The following DCDC1 variants were observed in gnomAD, a reference collection of about 807,000 sequenced individuals.
The protein encoded by DCDC1 is doublecortin domain-containing protein 1.
Under a neutral mutation model 178.3 loss-of-function variants are expected in DCDC1, and 200 were observed. That is an observed-to-expected ratio of 1.12 (90% CI 1.00 to 1.26). DCDC1 has a LOEUF of 1.26. Among genes scored for constraint, DCDC1 ranks in the 50% most tolerant of loss-of-function variants. The pLI, the probability that DCDC1 is intolerant of heterozygous loss-of-function variation, is 0.00. For synonymous variants in DCDC1, 690 were observed against 604.8 expected, an observed-to-expected ratio of 1.14 and a Z score of -2.07; for missense variants, 1,983 against 1,749.2, an observed-to-expected ratio of 1.13 and a Z score of -2.38.
chr11:31,048,960 C>A (rs550590596), intron 20 of DCDC1, among the ~76,000 whole-genome samples: 1 of 152,058 alleles, frequency 6.6e-6, no homozygotes, highest in Non-Finnish European at 1.5e-5. Context: ...TATTTGAAAT[C>A]AAACTTCTTT....
chr11:31,283,670 T>C (rs1946613220), intron 7 of DCDC1, among the ~76,000 whole-genome samples: 1 of 152,142 alleles, frequency 6.6e-6, no homozygotes. Flanking sequence ...AAATGTCTCC[T>C]TACCCTGCAC....
At chr11:30,971,453 T>G (rs1243467704) in intron 20 of DCDC1, among the ~76,000 whole-genome samples, 1 of 151,816 alleles carries the variant, frequency 6.6e-6, no homozygotes, top group Non-Finnish European at 1.5e-5. Flanking sequence ...AATGAGAAAT[T>G]TATTAAAGAG....
At chr11:31,208,306 A>T (rs563545272) in intron 9 of DCDC1, among the ~76,000 whole-genome samples, 1 of 152,282 alleles carries the variant, frequency 6.6e-6, no homozygotes, top group African/African-American at 2.4e-5. Context: ...GGCTAACCCC[A>T]GAAGTAGGAC....
chr11:30,908,254 T>C (rs1223912346), intron 29 of DCDC1, among the ~76,000 whole-genome samples: 1 of 152,104 alleles, frequency 6.6e-6, no homozygotes, highest in Non-Finnish European at 1.5e-5. Context: ...ATTACAACTA[T>C]AGGACTCAAT....
At chr11:31,359,451 G>T (rs1454068888) in intron 1 of DCDC1, among the ~76,000 whole-genome samples, 1 of 132,190 alleles carries the variant, frequency 7.6e-6, no homozygotes, top group African/African-American at 2.8e-5. Flanking sequence ...GGGGGAGGGG[G>T]AAGGGATAGC....
intron 24 of DCDC1, among the ~76,000 whole-genome samples, chr11:30,922,214 A>G (rs1946296238): frequency 6.6e-6 from 1 of 152,214 alleles, no homozygotes; most frequent in African/African-American, 2.4e-5. Flanking sequence ...AATTAAATTA[A>G]TGGATGGAAC....
intron 38 of DCDC1, among the ~76,000 whole-genome samples, chr11:30,873,650 A>C (rs1941843070): frequency 6.6e-6 from 1 of 152,138 alleles, no homozygotes; most frequent in Admixed American, 6.6e-5. Flanking sequence ...TGCTAACTAG[A>C]CTTAGGGCAA....
intron 9 of DCDC1, among the ~76,000 whole-genome samples, chr11:31,188,158 G>A (rs917560031): frequency 6.6e-6 from 1 of 152,048 alleles, no homozygotes; most frequent in African/African-American, 2.4e-5. Flanking sequence ...ACCCTGTACA[G>A]TAGGTATATT....
chr11:30,904,714 A>G (rs1944937091), intron 31 of DCDC1: 1 of 501,198 alleles, frequency 2.0e-6, no homozygotes, highest in Admixed American at 3.4e-5. Context: ...CCTCTTTCTT[A>G]TAGATCTCTG....
At chr11:31,356,199 G>C (rs1344033516) in intron 1 of DCDC1, among the ~76,000 whole-genome samples, 1 of 152,024 alleles carries the variant, frequency 6.6e-6, no homozygotes, top group African/African-American at 2.4e-5. Context: ...TGTTTACCAA[G>C]CCAAGACTCT....
intron 22 of DCDC1, among the ~76,000 whole-genome samples, chr11:30,926,273 G>T (rs1342196871): frequency 2.0e-5 from 3 of 152,184 alleles, no homozygotes; most frequent in African/African-American, 7.2e-5. Flanking sequence ...GTATGGACAT[G>T]AGGAGGGTAT....
chr11:31,347,701 G>A (rs1474539449), intron 1 of DCDC1, among the ~76,000 whole-genome samples: 1 of 152,106 alleles, frequency 6.6e-6, no homozygotes. Context: ...ATAATGTGTT[G>A]TAAGAACCAG....
intron 6 of DCDC1, among the ~76,000 whole-genome samples, chr11:31,303,588 T>C (rs767415102): frequency 6.6e-6 from 1 of 152,110 alleles, no homozygotes; most frequent in East Asian, 1.9e-4. Context: ...TGATATGTAA[T>C]ATATCACTCA....
At chr11:31,297,129 G>A (rs1175004877) in intron 6 of DCDC1, among the ~76,000 whole-genome samples, 2 of 152,126 alleles carry the variant, frequency 1.3e-5, no homozygotes, top group Non-Finnish European at 2.9e-5. Flanking sequence ...AACAGAATCT[G>A]ACTCTTCCAT....
At chr11:31,303,845 C>T (rs1475268563) in intron 6 of DCDC1, among the ~76,000 whole-genome samples, 1 of 152,086 alleles carries the variant, frequency 6.6e-6, no homozygotes. Context: ...TGCTCTACTC[C>T]GTGTCCCAGC....
At chr11:31,128,835 T>C (rs959527788) in intron 10 of DCDC1, among the ~76,000 whole-genome samples, 1 of 152,208 alleles carries the variant, frequency 6.6e-6, no homozygotes, top group South Asian at 2.1e-4. Flanking sequence ...TGTTTCCTTT[T>C]TGAAATCTAG....
chr11:31,190,725 T>C (rs1280528838), intron 9 of DCDC1, among the ~76,000 whole-genome samples: 1 of 152,136 alleles, frequency 6.6e-6, no homozygotes, highest in South Asian at 2.1e-4. Context: ...ATCTTTATCA[T>C]ATTGTTAGGT....
chr11:31,052,752 A>G (rs1955341484), intron 20 of DCDC1, among the ~76,000 whole-genome samples: 1 of 152,184 alleles, frequency 6.6e-6, no homozygotes, highest in African/African-American at 2.4e-5. Context: ...CAAAAATGAA[A>G]TCAAGATGGA....
At chr11:31,076,322 G>A (rs1956862356) in intron 18 of DCDC1, among the ~76,000 whole-genome samples, 1 of 151,830 alleles carries the variant, frequency 6.6e-6, no homozygotes, top group Non-Finnish European at 1.5e-5. Flanking sequence ...TTTATTTCCA[G>A]TTGTTCTGTT....
Sources: allele counts gnomAD v4.1 joint callset (sites outside exome capture counted in the v4.1 genomes callset), GRCh38; gene constraint gnomAD v4.1.1; transcripts MANE v1.5; gene names NCBI Gene and HGNC (gene_info 2026-07-23, HGNC 2026-07-21).